The following TTLL5 variants were observed in gnomAD, a reference collection of about 807,000 sequenced individuals.
TTLL5 encodes the protein tubulin polyglutamylase TTLL5.
TTLL5 carries 132 observed loss-of-function variants against 168.4 expected under a neutral mutation model. The observed-to-expected ratio is 0.78, with a 90% CI of 0.68 to 0.91. The LOEUF is 0.91. Ranked by LOEUF, TTLL5 falls within the 40% of genes least tolerant of loss-of-function variation. The probability of loss-of-function intolerance (pLI) is 0.00; values close to 1 mark genes in which losing one functional copy is unlikely to be tolerated. For synonymous variants in TTLL5, 546 were observed against 558.6 expected (o/e 0.98, Z 0.32); for missense variants, 1,545 against 1,581.5 (o/e 0.98, Z 0.39).
rs545274321 is a variant in TTLL5, at chr14:75,826,326, C to G, written c.3326+6165C>G. On this transcript the variant is annotated intron_variant, in intron 28 of 31. Coordinates refer to ENST00000298832, the MANE Select transcript of TTLL5 (RefSeq NM_015072.5). ...ACACACACACACACACACACACACA[C>G]ACACACGAGTCTTTGTTAGAGGCAA... 4.7e-4 allele frequency among the ~76,000 whole-genome samples: 71 copies of G among 151,830 alleles called. 4 individuals are homozygous for G. In the East Asian group the frequency reaches 5.0e-3, roughly 11 times the overall value.
At chr14:75,762,700 T>G (rs1890727452) in intron 18 of TTLL5, among the ~76,000 whole-genome samples, 1 of 152,228 alleles carries the variant, frequency 6.6e-6, no homozygotes, top group Non-Finnish European at 1.5e-5. Flanking sequence ...TTCTTAGTTG[T>G]TATTTTAAAA....
In TTLL5 at chr14:75,879,298, G is replaced by A. The variant is rs148765846; in HGVS notation, c.3523-3387G>A. ...CTGGGGAGCCTAAACATATGTTTCCGTTTTAAGAATTTGCTTTCACAACTA... is the reference window on the plus strand; with the variant it reads ...CTGGGGAGCCTAAACATATGTTTCCATTTTAAGAATTTGCTTTCACAACTA... On this transcript the variant is annotated intron_variant, in intron 29 of 31. Transcript: ENST00000298832. 1.1e-4 allele frequency among the ~76,000 whole-genome samples: 17 copies of A among 152,298 alleles called. No homozygotes were observed. The East Asian group carries it at 1.2e-3, about 10-fold the overall frequency.
chr14:75,764,765 A>G lies in TTLL5; in HGVS notation c.1701A>G (p.Lys567=). 2 of 1,614,114 alleles carry G rather than the reference A, an allele frequency of 1.2e-6. No individual in the cohort carries two copies. The highest frequency in any genetic ancestry group is 2.2e-5 in the South Asian group (2 of 91,076). ...GCAGATTGAGGGCAATGAGGCCAAA[A>G]TACCCAGGTACCTGCTGGTGAGCTT... The part of the protein sequence containing the change: ...RSSRLRAMRP[K]YPVITQPAEM... The change falls in exon 19 of 32, where the codon AAA becomes AAG. Residue 567 remains lysine (K), a synonymous_variant. Coordinates refer to ENST00000298832, the MANE Select transcript of TTLL5 (RefSeq NM_015072.5).
intron 12 of TTLL5, among the ~76,000 whole-genome samples, chr14:75,728,745 A>G (rs1474735335): frequency 2.0e-5 from 3 of 152,148 alleles, no homozygotes; most frequent in Non-Finnish European, 4.4e-5. Context: ...GGAGAAAACT[A>G]GAATTGAGAA....
At chr14:75,785,524 C>T (rs2140336209) in intron 26 of TTLL5, among the ~76,000 whole-genome samples, 1 of 152,228 alleles carries the variant, frequency 6.6e-6, no homozygotes, top group South Asian at 2.1e-4. Flanking sequence ...GGTCTTTTGT[C>T]CATTTTCAGT....
At chr14:75,662,908 A>G (rs1890850616) in intron 1 of TTLL5, 147 bp from the exon 2 acceptor site, 5 of 619,528 alleles carry the variant, frequency 8.1e-6, no homozygotes, top group Admixed American at 5.3e-5. Flanking sequence ...GGCACATTCC[A>G]TATGTTATGG....
intron 30 of TTLL5, among the ~76,000 whole-genome samples, chr14:75,896,768 G>C (rs2032681393): frequency 6.6e-6 from 1 of 152,080 alleles, no homozygotes; most frequent in Non-Finnish European, 1.5e-5. Flanking sequence ...GAAGAACAGA[G>C]GAAACCACAA....
At chr14:75,881,378 C>T (rs2031803874) in intron 29 of TTLL5, among the ~76,000 whole-genome samples, 1 of 152,180 alleles carries the variant, frequency 6.6e-6, no homozygotes, top group South Asian at 2.1e-4. Flanking sequence ...TGTCAAGCAT[C>T]TCAGTGAAAC....
At chr14:75,928,480 G>A (rs754641963) in intron 31 of TTLL5, among the ~76,000 whole-genome samples, 4 of 150,498 alleles carry the variant, frequency 2.7e-5, no homozygotes, top group East Asian at 1.9e-4. Context: ...ACACAGACAC[G>A]CACTGAGCCA....
At chr14:75,667,656 A>G (rs1883364640) in intron 2 of TTLL5, among the ~76,000 whole-genome samples, 1 of 152,026 alleles carries the variant, frequency 6.6e-6, no homozygotes, top group Admixed American at 6.6e-5. Context: ...TCTTCACTAG[A>G]AAGCAGTTGG....
intron 19 of TTLL5, among the ~76,000 whole-genome samples, chr14:75,765,383 T>C (rs1300464963): frequency 6.6e-6 from 1 of 152,212 alleles, no homozygotes; most frequent in Admixed American, 6.5e-5. Context: ...TAGAAAGATA[T>C]TCCCCTGTTC....
chr14:75,941,448 G>T (rs1378595840), intron 31 of TTLL5: 1 of 152,118 alleles, frequency 6.6e-6, no homozygotes, highest in Non-Finnish European at 1.5e-5. Flanking sequence ...ATACTACCAG[G>T]GCTGCCCAGA....
At chr14:75,884,524 A>ATTTCTTCTTT (rs2031993778) in intron 30 of TTLL5, among the ~76,000 whole-genome samples, 1 of 152,224 alleles carries the variant, frequency 6.6e-6, no homozygotes, top group Non-Finnish European at 1.5e-5. Flanking sequence ...GACAGGCAAG[A>ATTTCTTCTTT]GTGTGGGAAA....
intron 9 of TTLL5, 94 bp from the exon 10 acceptor site, chr14:75,717,767 A>G (rs1594918850): frequency 8.6e-7 from 1 of 1,167,926 alleles, no homozygotes; most frequent in East Asian, 2.5e-5. Context: ...TAATGATATT[A>G]CCCTCCTTTA....
chr14:75,796,360 T>A (rs1441062193), intron 27 of TTLL5, among the ~76,000 whole-genome samples: 1 of 152,244 alleles, frequency 6.6e-6, no homozygotes, highest in Non-Finnish European at 1.5e-5. Context: ...GAAGATTTTC[T>A]CCCACTGTGT....
chr14:75,929,756 G>A (rs1230878460), intron 31 of TTLL5, among the ~76,000 whole-genome samples: 1 of 152,070 alleles, frequency 6.6e-6, no homozygotes, highest in Admixed American at 6.6e-5. Context: ...CCCGGCCAAA[G>A]ATACCTATTT....
chr14:75,738,132 TACAA>T (rs1326513853), intron 15 of TTLL5, among the ~76,000 whole-genome samples: 3 of 152,218 alleles, frequency 2.0e-5, no homozygotes, highest in Non-Finnish European at 4.4e-5. Context: ...ACCTTTGAAA[TACAA>T]ACATCTTTCT....
At chr14:75,694,801 T>A (rs1351785642) in intron 6 of TTLL5, among the ~76,000 whole-genome samples, 1 of 152,244 alleles carries the variant, frequency 6.6e-6, no homozygotes, top group Non-Finnish European at 1.5e-5. Context: ...ATTGTGAAGA[T>A]TTTATGGACA....
intron 13 of TTLL5, among the ~76,000 whole-genome samples, chr14:75,732,973 T>C (rs771725853): frequency 6.6e-6 from 1 of 152,228 alleles, no homozygotes; most frequent in Non-Finnish European, 1.5e-5. Context: ...AAAATTCTTA[T>C]TATATTTGCA....
Sources: gnomAD v4.1 joint callset for allele counts (sites outside exome capture counted in the v4.1 genomes callset) on GRCh38, gnomAD v4.1.1 for gene constraint, MANE v1.5 for transcripts, NCBI Gene and HGNC (gene_info 2026-07-23, HGNC 2026-07-21) for gene names.